Variants in WDR72 observed in about 807,000 individuals in gnomAD.
WDR72 encodes WD repeat domain 72.
A neutral mutation model predicts 124.2 loss-of-function variants in WDR72; 120 were observed. The ratio of observed to expected loss-of-function variants is 0.97; its 90% CI spans 0.83 to 1.12. The LOEUF (loss-of-function observed/expected upper bound fraction) is 1.12. Ranked by LOEUF, WDR72 falls within the 50% of genes most tolerant of loss-of-function variation. The pLI is 0.00. For synonymous variants in WDR72, 452 were observed against 441.7 expected (o/e 1.02, Z -0.29); for missense variants, 1,387 against 1,278.8 (o/e 1.08, Z -1.29).
At chr15:53,738,321 T>C (rs560250366) in intron 1 of WDR72, among the ~76,000 whole-genome samples, 2 of 151,946 alleles carry the variant, frequency 1.3e-5, no homozygotes, top group African/African-American at 4.8e-5. Context: ...GGAAACAATG[T>C]AGACAAAACC....
At chr15:53,589,679 G>A (rs750867308) in intron 18 of WDR72, among the ~76,000 whole-genome samples, 18 of 151,992 alleles carry the variant, frequency 1.2e-4, no homozygotes, top group Non-Finnish European at 2.6e-4. Context: ...CTGCACGACT[G>A]TTACCAAAGA....
chr15:53,691,540 A>T (rs1405513775), intron 13 of WDR72, among the ~76,000 whole-genome samples: 2 of 152,178 alleles, frequency 1.3e-5, no homozygotes, highest in Non-Finnish European at 2.9e-5. Flanking sequence ...TGTAAACTTC[A>T]TCTATTTTTT....
intron 18 of WDR72, among the ~76,000 whole-genome samples, chr15:53,591,790 T>A (rs1036274007): frequency 2.0e-5 from 3 of 151,870 alleles, no homozygotes; most frequent in African/African-American, 7.2e-5. Context: ...TCTTGTTTTC[T>A]CAAGCTTGCA....
chr15:53,554,835 A>G (rs774495972), intron 18 of WDR72, among the ~76,000 whole-genome samples: 8 of 152,176 alleles, frequency 5.3e-5, no homozygotes, highest in Non-Finnish European at 1.0e-4. Flanking sequence ...CGTAGAATAT[A>G]TGTAGTTTTG....
At chr15:53,533,221 G>A (rs1489566673) in intron 18 of WDR72, among the ~76,000 whole-genome samples, 1 of 152,116 alleles carries the variant, frequency 6.6e-6, no homozygotes, top group Non-Finnish European at 1.5e-5. Context: ...AAGTAATGGG[G>A]AGGACAGTTT....
intron 1 of WDR72, among the ~76,000 whole-genome samples, chr15:53,738,518 G>A (rs1022460829): frequency 1.3e-5 from 2 of 152,142 alleles, no homozygotes; most frequent in African/African-American, 4.8e-5. Context: ...TTAACTTAAT[G>A]CTAAAAATTT....
chr15:53,556,673 A>G (rs772919659), intron 18 of WDR72, among the ~76,000 whole-genome samples: 4 of 152,108 alleles, frequency 2.6e-5, no homozygotes, highest in Non-Finnish European at 5.9e-5. Flanking sequence ...CTTTTTGATG[A>G]TTCAAAATGC....
At chr15:53,718,527 C>T (rs1320371401) in intron 3 of WDR72, among the ~76,000 whole-genome samples, 1 of 151,912 alleles carries the variant, frequency 6.6e-6, no homozygotes, top group Non-Finnish European at 1.5e-5. Flanking sequence ...CAAAAATTTG[C>T]TCTTTGCCTA....
intron 14 of WDR72, among the ~76,000 whole-genome samples, chr15:53,663,853 T>C (rs61017540): frequency 0.082 from 12,363 of 150,376 alleles, 1,385 homozygotes; most frequent in African/African-American, 0.25. Flanking sequence ...TCCCACCTTA[T>C]GTTCAGCTGT....
chr15:53,524,109 T>C (rs1170699593), intron 18 of WDR72, among the ~76,000 whole-genome samples: 1 of 152,048 alleles, frequency 6.6e-6, no homozygotes, highest in Non-Finnish European at 1.5e-5. Flanking sequence ...ACATTTGTTC[T>C]AGAAAATATT....
At chr15:53,753,274 C>A (rs1488026591) in intron 1 of WDR72, among the ~76,000 whole-genome samples, 1 of 152,168 alleles carries the variant, frequency 6.6e-6, no homozygotes, top group African/African-American at 2.4e-5. Flanking sequence ...GCAGGTACTC[C>A]CATAGGCAGA....
chr15:53,519,718 G>T (rs922423392), intron 19 of WDR72, among the ~76,000 whole-genome samples: 1 of 152,002 alleles, frequency 6.6e-6, no homozygotes, highest in African/African-American at 2.4e-5. Context: ...ACTCACCTGG[G>T]TATACAGCTT....
intron 3 of WDR72, among the ~76,000 whole-genome samples, chr15:53,722,102 T>C (rs2017893130): frequency 6.6e-6 from 1 of 151,984 alleles, no homozygotes; most frequent in Non-Finnish European, 1.5e-5. Context: ...GGCGCCATCT[T>C]AGCTCACTGC....
chr15:53,606,916 T>C (rs2013310110), intron 17 of WDR72, among the ~76,000 whole-genome samples: 1 of 152,200 alleles, frequency 6.6e-6, no homozygotes. Context: ...CAAGTTTTTA[T>C]AGCCATTCCA....
rs573249087 is a variant in WDR72, at chr15:53,617,180, C to T, written c.1963-937G>A. On this transcript the variant is annotated intron_variant, in intron 14 of 19. Transcript: ENST00000360509. ...GTTATTAGGCAGACAAAATAATTCT[C>T]CTTTTGTAAAATTTTACGTACAAAT... is the stretch of plus-strand genomic sequence containing the variant. Among the ~76,000 whole-genome samples the T allele has an allele frequency of 5.1e-4, 78 of 151,840 alleles. No homozygotes were observed. The South Asian group carries it at 7.1e-3, about 14-fold the overall frequency.
intron 12 of WDR72, 21 bp from the exon 13 acceptor site, chr15:53,699,966 T>C (rs2017120434): frequency 6.8e-6 from 11 of 1,613,992 alleles, no homozygotes; most frequent in Non-Finnish European, 9.3e-6. Flanking sequence ...ACAACATGCT[T>C]ATGTAAGTAA....
chr15:53,598,042 TA>T (rs1367141985), intron 17 of WDR72, among the ~76,000 whole-genome samples: 8 of 152,148 alleles, frequency 5.3e-5, no homozygotes, highest in Admixed American at 4.6e-4. Context: ...AGTGCAAAGC[TA>T]GTGACAGTTT....
chr15:53,687,474 A>C (rs1414218582), intron 13 of WDR72, among the ~76,000 whole-genome samples: 1 of 151,554 alleles, frequency 6.6e-6, no homozygotes, highest in African/African-American at 2.4e-5. Context: ...GAAATGGATA[A>C]ATTCCTTGAC....
intron 11 of WDR72, among the ~76,000 whole-genome samples, chr15:53,702,877 T>G (rs1258625926): frequency 6.6e-6 from 1 of 150,822 alleles, no homozygotes; most frequent in African/African-American, 2.4e-5. Flanking sequence ...CAAAAATAAA[T>G]TCAGAATATT....
Sources: gnomAD v4.1 joint callset for allele counts (sites outside exome capture counted in the v4.1 genomes callset) on GRCh38, gnomAD v4.1.1 for gene constraint, MANE v1.5 for transcripts, NCBI Gene and HGNC (gene_info 2026-07-23, HGNC 2026-07-21) for gene names.